SEMA3D: variants seen among roughly 807,000 people sequenced by gnomAD.
SEMA3D encodes the protein semaphorin-3D.
Under a neutral mutation model 100.1 loss-of-function variants are expected in SEMA3D, and 84 were observed. The ratio of observed to expected loss-of-function variants is 0.84; its 90% CI spans 0.70 to 1.01. The LOEUF is 1.01. SEMA3D is among the 50% of genes least tolerant of loss of function. The pLI is 0.00. For synonymous variants in SEMA3D, 312 were observed against 320.7 expected (o/e 0.97, Z 0.29); for missense variants, 875 against 934.1 (o/e 0.94, Z 0.82).
intron 3 of SEMA3D, among the ~76,000 whole-genome samples, chr7:85,102,839 C>T (rs942894515): frequency 6.6e-6 from 1 of 151,978 alleles, no homozygotes; most frequent in African/African-American, 2.4e-5. Flanking sequence ...TAGCCACTTG[C>T]TTTATTTTCT....
At position 85,141,314 on chromosome 7, in the gene SEMA3D, A is replaced by T. The variant is rs1394648938; in HGVS notation, c.-41+12294T>A. 4.1e-6 allele frequency: 4 copies of T among 984,410 alleles called. No individual in the cohort carries two copies. The African/African-American group carries it at 7.0e-5, about 17-fold the overall frequency. 61.0% of individuals were successfully genotyped at this position (984,410 alleles called of 1,614,324 possible). A position where few individuals can be genotyped will look rare whatever the true frequency, so the allele number is the denominator to read the frequency against. ...CTTCAGGAATTTTAACATTGTCAAA[A>T]ACTTAATAATTTATTTCAAAACCAT... On this transcript the variant is annotated intron_variant, in intron 2 of 18. Transcript: ENST00000284136.
At chr7:85,168,486 A>G (rs1790973853) in intron 1 of SEMA3D, among the ~76,000 whole-genome samples, 1 of 151,730 alleles carries the variant, frequency 6.6e-6, no homozygotes, top group African/African-American at 2.4e-5. Context: ...ACTAAGAAGC[A>G]AAAAGTTTAC....
chr7:85,201,438 C>A, the SEMA3D span, among the ~76,000 whole-genome samples: 27 of 152,296 alleles, frequency 1.8e-4, no homozygotes, highest in Non-Finnish European at 3.8e-4. Flanking sequence ...ACCACCATCT[C>A]CTTTCTACTC....
At chr7:85,078,076 C>G (rs1787936165) in intron 5 of SEMA3D, among the ~76,000 whole-genome samples, 1 of 151,966 alleles carries the variant, frequency 6.6e-6, no homozygotes, top group Non-Finnish European at 1.5e-5. Flanking sequence ...TTTTAAGTGA[C>G]TATGTATACA....
chr7:85,112,690 A>G (rs980629333), intron 3 of SEMA3D, among the ~76,000 whole-genome samples: 1 of 152,128 alleles, frequency 6.6e-6, no homozygotes, highest in Non-Finnish European at 1.5e-5. Context: ...TATGAAAACA[A>G]TGGGTATAAA....
intron 2 of SEMA3D, among the ~76,000 whole-genome samples, chr7:85,135,521 G>A (rs1213997770): frequency 6.6e-6 from 1 of 151,910 alleles, no homozygotes; most frequent in African/African-American, 2.4e-5. Flanking sequence ...GGGGGTAGAG[G>A]GGGAGGGAAA....
At chr7:85,095,281 C>T (rs1446214875) in intron 4 of SEMA3D, among the ~76,000 whole-genome samples, 3 of 151,924 alleles carry the variant, frequency 2.0e-5, no homozygotes, top group Non-Finnish European at 4.4e-5. Flanking sequence ...ATGCCCATGG[C>T]AAATATGAAT....
intron 17 of SEMA3D, among the ~76,000 whole-genome samples, chr7:85,008,033 C>A (rs1472416646): frequency 6.6e-6 from 1 of 151,790 alleles, no homozygotes; most frequent in Non-Finnish European, 1.5e-5. Context: ...CCATTTAAAA[C>A]CTGTAGTCTA....
the SEMA3D span, among the ~76,000 whole-genome samples, chr7:85,199,386 T>C: frequency 1.3e-5 from 2 of 152,128 alleles, no homozygotes; most frequent in African/African-American, 4.8e-5. Flanking sequence ...GCATTTAGTG[T>C]TTTTCAGTTT....
At chr7:85,019,196 T>C (rs186043864) in intron 14 of SEMA3D, among the ~76,000 whole-genome samples, 1 of 151,928 alleles carries the variant, frequency 6.6e-6, no homozygotes, top group East Asian at 1.9e-4. Flanking sequence ...TGGTCATTTA[T>C]GTAATTTTAA....
chr7:85,119,790 G>A (rs1340144638), intron 3 of SEMA3D, among the ~76,000 whole-genome samples: 4 of 152,076 alleles, frequency 2.6e-5, no homozygotes, highest in Non-Finnish European at 4.4e-5. Flanking sequence ...TACCCTTGCA[G>A]CATGTCACCT....
At chr7:85,160,380 T>C (rs565045213) in intron 1 of SEMA3D, among the ~76,000 whole-genome samples, 22 of 151,856 alleles carry the variant, frequency 1.4e-4, no homozygotes, top group Non-Finnish European at 3.1e-4. Flanking sequence ...GAATAAGATC[T>C]GAGTCAGGCA....
intron 4 of SEMA3D, among the ~76,000 whole-genome samples, chr7:85,088,297 C>T (rs995736905): frequency 2.0e-5 from 3 of 152,070 alleles, no homozygotes; most frequent in Non-Finnish European, 4.4e-5. Context: ...ATTATATCTG[C>T]TCTTTGTTTC....
In SEMA3D at chr7:85,149,973, T is replaced by G. The variant is rs185550532; in HGVS notation, c.-41+3635A>C. Among the ~76,000 whole-genome samples, 291 of 152,206 alleles carry G rather than the reference T, an allele frequency of 1.9e-3. 1 individual carries two copies. Among genetic ancestry groups the G allele is most frequent in the African/African-American group, 6.7e-3 (277 of 41,542 alleles). On this transcript the variant is annotated intron_variant, in intron 2 of 18. Transcript: ENST00000284136. ...TTACATTCAAGGGGTCATAGCCATGTGAAGTTGGGTTCTTAGTAAAGCAAG... is the reference window on the plus strand; with the variant it reads ...TTACATTCAAGGGGTCATAGCCATGGGAAGTTGGGTTCTTAGTAAAGCAAG...
At chr7:85,028,535 A>G in intron 12 of SEMA3D, 1 of 322,970 alleles carries the variant, frequency 3.1e-6, no homozygotes, top group Non-Finnish European at 5.8e-6. Flanking sequence ...GGACTTTCAC[A>G]ACTGAAATGT....
chr7:85,085,247 CA>C (rs1192240467), intron 4 of SEMA3D, among the ~76,000 whole-genome samples: 5 of 151,516 alleles, frequency 3.3e-5, no homozygotes, highest in African/African-American at 7.3e-5. Context: ...ATGTAGGAAA[CA>C]AAAAAATATA....
chr7:85,078,334 A>G (rs539408343), intron 5 of SEMA3D, among the ~76,000 whole-genome samples: 1 of 152,172 alleles, frequency 6.6e-6, no homozygotes, highest in East Asian at 1.9e-4. Context: ...GAAGGAGGGA[A>G]GGAAGGAAAG....
chr7:85,206,071 G>T, the SEMA3D span, among the ~76,000 whole-genome samples: 1 of 152,070 alleles, frequency 6.6e-6, no homozygotes. Flanking sequence ...TGAGGAAAAT[G>T]ACGTATCAGG....
the SEMA3D span, among the ~76,000 whole-genome samples, chr7:85,214,589 C>T: frequency 6.6e-6 from 1 of 150,458 alleles, no homozygotes; most frequent in Non-Finnish European, 1.5e-5. Flanking sequence ...CTCTACCTCC[C>T]GGGTTCAAGC....
Sources: allele counts gnomAD v4.1 joint callset (sites outside exome capture counted in the v4.1 genomes callset), GRCh38; gene constraint gnomAD v4.1.1; transcripts MANE v1.5; gene names NCBI Gene and HGNC (gene_info 2026-07-23, HGNC 2026-07-21).